DAB2IP: variants seen among roughly 807,000 people sequenced by gnomAD.
DAB2IP encodes DAB2 interacting protein, also known as disabled homolog 2-interacting protein.
DAB2IP carries 28 observed loss-of-function variants against 107.2 expected under a neutral mutation model. The observed-to-expected ratio is 0.26, with a 90% CI of 0.19 to 0.36. The LOEUF (loss-of-function observed/expected upper bound fraction) is 0.36, where lower values mean the gene tolerates loss of function less well. Ranked by LOEUF, DAB2IP falls within the 10% of genes least tolerant of loss-of-function variation. DAB2IP has a pLI of 1.00. For synonymous variants in DAB2IP, 755 were observed against 706.4 expected (o/e 1.07, Z -1.09); for missense variants, 1,400 against 1,644.7 (o/e 0.85, Z 2.57).
chr9:121,743,045 G>A, intron 3 of DAB2IP: 1 of 960,696 alleles, frequency 1.0e-6, no homozygotes, highest in Non-Finnish European at 1.2e-6. Context: ...GAGGGAGCAG[G>A]TGGGAGGAAT....
chr9:121,772,443 G>T lies in DAB2IP; in HGVS notation c.2079-164G>T, dbSNP rs558790440. Among the ~76,000 whole-genome samples, 1 of 152,196 alleles carries T rather than the reference G, an allele frequency of 6.6e-6. No individual in the cohort carries two copies. Among genetic ancestry groups the T allele is most frequent in the South Asian group, 2.1e-4 (1 of 4,824 alleles). Reference sequence around the variant, plus strand: ...GCAGCCGCCTCAGCCTCTGGTCCCCGGATTCTCCCACTCCTGCCACCCCAG... The same window carrying T: ...GCAGCCGCCTCAGCCTCTGGTCCCCTGATTCTCCCACTCCTGCCACCCCAG... On this transcript the variant is annotated intron_variant, in intron 11 of 15. Transcript: ENST00000408936. The surrounding 1 kb of genome is among the most constrained non-coding windows in gnomAD (Gnocchi z 4.7).
chr9:121,640,010 C>A (rs1422229610), intron 1 of DAB2IP, among the ~76,000 whole-genome samples: 1 of 152,212 alleles, frequency 6.6e-6, no homozygotes, highest in East Asian at 1.9e-4. Flanking sequence ...ATCTGAAGTT[C>A]TGGGCATCCC....
chr9:121,576,378 C>G (rs915073831), intron 1 of DAB2IP, among the ~76,000 whole-genome samples: 1 of 152,082 alleles, frequency 6.6e-6, no homozygotes, highest in African/African-American at 2.4e-5. Context: ...TACCTTTGCA[C>G]TTGCTCTTAC....
At chr9:121,757,891 C>G (rs1833606330) in intron 4 of DAB2IP, among the ~76,000 whole-genome samples, 1 of 152,234 alleles carries the variant, frequency 6.6e-6, no homozygotes, top group Non-Finnish European at 1.5e-5. Flanking sequence ...AGGAATGAGC[C>G]TGGTAATGAA....
chr9:121,567,236 G>A (rs1829825642), intron 1 of DAB2IP: 12 of 1,613,844 alleles, frequency 7.4e-6, no homozygotes, highest in South Asian at 2.2e-5. Flanking sequence ...ACGGTAAGAC[G>A]GTGCCAGCAA....
At chr9:121,601,639 T>C (rs1320513353) in intron 1 of DAB2IP, among the ~76,000 whole-genome samples, 1 of 152,194 alleles carries the variant, frequency 6.6e-6, no homozygotes, top group Non-Finnish European at 1.5e-5. Flanking sequence ...TGAGTGTTTA[T>C]TATATGCCAG....
chr9:121,781,824 A>G (rs1337845352), intron 15 of DAB2IP, among the ~76,000 whole-genome samples: 2 of 151,704 alleles, frequency 1.3e-5, no homozygotes, highest in Non-Finnish European at 2.9e-5. Flanking sequence ...GGAAGCCACC[A>G]GGAGGGCAGT....
In DAB2IP at chr9:121,763,642, C is replaced by T. The variant is rs149420814; in HGVS notation, c.1308C>T (p.Asp436=). The T allele has an allele frequency of 7.0e-5, 113 of 1,612,920 alleles. No individual in the cohort carries two copies. In the African/African-American group the frequency reaches 1.2e-3, roughly 17 times the overall value. ...TAGTGGGCCAGAAGTACCTGCAGGA[C>T]GCCCTAGGTAGGGAGTGGGCCAGCA... Residue 436 remains aspartate, a synonymous_variant, in exon 7 of 16, where the codon GAC becomes GAT. Coordinates refer to ENST00000408936, the Ensembl canonical transcript of DAB2IP.
chr9:121,750,784 G>C (rs967767595), intron 3 of DAB2IP, among the ~76,000 whole-genome samples: 1 of 152,150 alleles, frequency 6.6e-6, no homozygotes, highest in African/African-American at 2.4e-5. Context: ...TTGTGTCACC[G>C]ACCTTTTAAG....
In DAB2IP at chr9:121,782,239, C is replaced by T. The variant is rs1835716362; in HGVS notation, c.3403-92C>T. The T allele has an allele frequency of 1.3e-6, 2 of 1,525,390 alleles. No individual in the cohort carries two copies. Among genetic ancestry groups the T allele is most frequent in the Non-Finnish European group, 1.8e-6 (2 of 1,132,950 alleles). The allele number at this position is 1,525,390 out of a possible 1,614,324, so 94.5% of individuals were successfully genotyped here. ...GGAGCCTGCCTGCCACCCTCATCTC[C>T]AGGCCACCCCCTTCCCCGATGCTTG... On this transcript the variant is annotated intron_variant, in intron 15 of 15. Transcript: ENST00000408936. The surrounding 1 kb of genome is among the most constrained non-coding windows in gnomAD (Gnocchi z 6.1).
upstream of DAB2IP, among the ~76,000 whole-genome samples, chr9:121,648,312 G>A (rs1223697834): frequency 6.6e-6 from 1 of 152,184 alleles, no homozygotes; most frequent in Non-Finnish European, 1.5e-5. Flanking sequence ...GGGTCCTGAA[G>A]GGTAAGCAGG....
At chr9:121,604,891 C>G (rs1024556553) in intron 1 of DAB2IP, among the ~76,000 whole-genome samples, 17 of 152,224 alleles carry the variant, frequency 1.1e-4, no homozygotes, top group African/African-American at 3.6e-4. Context: ...CCTGCACCCC[C>G]CTCCTCAACA....
At chr9:121,764,544 C>T (rs749710597) in intron 8 of DAB2IP, among the ~76,000 whole-genome samples, 1 of 152,176 alleles carries the variant, frequency 6.6e-6, no homozygotes, top group African/African-American at 2.4e-5. Context: ...AGCCTGGTGC[C>T]GAGTATAGCC....
chr9:121,723,335 T>C (rs530522973), intron 3 of DAB2IP, among the ~76,000 whole-genome samples: 1 of 152,314 alleles, frequency 6.6e-6, no homozygotes, highest in South Asian at 2.1e-4. Context: ...TTTCTGTTTT[T>C]GCTCACCTGT....
chr9:121,665,167 TA>T (rs1370099180), intron 1 of DAB2IP, among the ~76,000 whole-genome samples: 1 of 152,230 alleles, frequency 6.6e-6, no homozygotes, highest in Non-Finnish European at 1.5e-5. Context: ...ATAAGCCTGT[TA>T]TTTCATATAG....
In DAB2IP at chr9:121,770,805, AGAG is replaced by A; in HGVS notation, c.2078+84_2078+86del. On this transcript the variant is annotated intron_variant, in intron 11 of 15. Coordinates refer to ENST00000408936, the Ensembl canonical transcript of DAB2IP. ...CCCATCTGTAATCTCAGATGGGGAA[AGAG>A]GATGCCTACATAGTGTTTATAAAAC... The A allele has an allele frequency of 9.1e-6, 14 of 1,536,498 alleles. No homozygotes were observed. In the South Asian group the frequency reaches 1.7e-4, roughly 19 times the overall value.
At chr9:121,756,676 G>A (rs2118953756) in intron 3 of DAB2IP, among the ~76,000 whole-genome samples, 1 of 152,382 alleles carries the variant, frequency 6.6e-6, no homozygotes, top group Middle Eastern at 3.4e-3. Flanking sequence ...CCTGGGTCAG[G>A]CGGGCTTTCC....
rs1250598574 is a variant in DAB2IP, at chr9:121,781,596, T to G, written c.3402+45T>G. 1.9e-6 allele frequency: 3 copies of G among 1,586,512 alleles called. No individual in the cohort carries two copies. The Admixed American group carries it at 5.0e-5, about 27-fold the overall frequency. On this transcript the variant is annotated intron_variant, in intron 15 of 15. Coordinates refer to ENST00000408936, the Ensembl canonical transcript of DAB2IP. ...GGTCAGCCACAAGAGTTAAAGGGCCTGGGATTAGGAGGGGTGACTAGCCTC... is the reference window on the plus strand; with the variant it reads ...GGTCAGCCACAAGAGTTAAAGGGCCGGGGATTAGGAGGGGTGACTAGCCTC...
At chr9:121,636,136 G>C (rs1375312466) in intron 1 of DAB2IP, among the ~76,000 whole-genome samples, 1 of 152,048 alleles carries the variant, frequency 6.6e-6, no homozygotes, top group Admixed American at 6.5e-5. Context: ...TCGAGTTCCT[G>C]AGCTCAGGCA....
Sources: gnomAD v4.1 joint callset for allele counts (sites outside exome capture counted in the v4.1 genomes callset) on GRCh38, gnomAD v4.1.1 for gene constraint, Gnocchi (gnomAD v3.1) non-coding constraint, MANE v1.5 for transcripts, NCBI Gene and HGNC (gene_info 2026-07-23, HGNC 2026-07-21) for gene names.